Variants in DRAM1 observed in about 807,000 individuals in gnomAD.
DRAM1 encodes the protein DNA damage-regulated autophagy modulator protein 1.
DRAM1 carries 25 observed loss-of-function variants against 28.5 expected under a neutral mutation model. That is an observed-to-expected ratio of 0.88 (90% CI 0.64 to 1.23). DRAM1 has a LOEUF of 1.23. DRAM1 is among the 50% of genes most tolerant of loss of function. The pLI is 0.00. For missense variants in DRAM1, 249 were observed against 299.2 expected (o/e 0.83, Z 1.24); for synonymous variants, 113 against 114.2 (o/e 0.99, Z 0.07).
Position 101,921,295 on chromosome 12 carries a change from G to T in DRAM1, c.*35G>T, listed in dbSNP as rs753468674. 6 of 1,576,372 alleles carry T rather than the reference G, an allele frequency of 3.8e-6. No homozygotes were observed. Among genetic ancestry groups the T allele is most frequent in the South Asian group, 1.1e-5 (1 of 90,218 alleles). On this transcript the variant is annotated 3_prime_UTR_variant, in exon 7 of 7. Transcript: ENST00000258534. ...AATTCAGTCTCACTCAGTGAATGTC[G>T]CAGGCCATTTCTAAAAGTGCTACAG...
chr12:101,918,062 C>T (rs80183419), intron 5 of DRAM1, among the ~76,000 whole-genome samples: 9,123 of 152,260 alleles, frequency 0.06, 919 homozygotes, highest in African/African-American at 0.21. Context: ...TAAATGACTG[C>T]GCCACTCTTG....
rs772541013 is a variant in DRAM1, at chr12:101,922,016, A to G, written c.*756A>G. ...AATGGTTTCAACAAGTCAGGTGAAA[A>G]CCATCCTTTATTGTTGCTGGCACAA... On this transcript the variant is annotated 3_prime_UTR_variant, in exon 7 of 7. Transcript: ENST00000258534. 1 of 152,160 alleles carries G rather than the reference A, an allele frequency of 6.6e-6. No homozygotes were observed. The highest frequency in any genetic ancestry group is 1.9e-4 in the East Asian group (1 of 5,196). 9.4% of individuals were successfully genotyped at this position (152,160 alleles called of 1,614,324 possible). A position where few individuals can be genotyped will look rare whatever the true frequency, so the allele number is the denominator to read the frequency against.
intron 2 of DRAM1, among the ~76,000 whole-genome samples, chr12:101,898,795 A>G (rs1250042225): frequency 1.3e-5 from 2 of 152,254 alleles, no homozygotes; most frequent in Non-Finnish European, 1.5e-5. Flanking sequence ...GAAAGGGGAC[A>G]GGTGGAGCAA....
intron 4 of DRAM1, among the ~76,000 whole-genome samples, chr12:101,909,540 CGTAG>C (rs1338780908): frequency 6.6e-6 from 1 of 152,086 alleles, no homozygotes; most frequent in Admixed American, 6.6e-5. Flanking sequence ...CCCTGCACGT[CGTAG>C]GTGGCAAGAC....
intron 5 of DRAM1, among the ~76,000 whole-genome samples, chr12:101,919,306 G>T (rs929707881): frequency 5.7e-5 from 7 of 123,820 alleles, no homozygotes; most frequent in Admixed American, 4.4e-4. Context: ...ACACACACAC[G>T]GTTTTGTTTT....
chr12:101,892,047 A>T (rs1373860388), intron 1 of DRAM1, among the ~76,000 whole-genome samples: 1 of 152,220 alleles, frequency 6.6e-6, no homozygotes, highest in African/African-American at 2.4e-5. Context: ...GTTACCTCTT[A>T]GTGTTTACTT....
At chr12:101,895,873 A>C (rs1203835270) in intron 1 of DRAM1, among the ~76,000 whole-genome samples, 1 of 148,272 alleles carries the variant, frequency 6.7e-6, no homozygotes, top group African/African-American at 2.5e-5. Flanking sequence ...CCTGGTCGTA[A>C]GGGAGGCTAT....
intron 1 of DRAM1, among the ~76,000 whole-genome samples, chr12:101,885,879 C>A (rs1416207590): frequency 6.6e-6 from 1 of 152,084 alleles, no homozygotes; most frequent in Non-Finnish European, 1.5e-5. Context: ...TTGTTTATTA[C>A]CTGTCTCACA....
chr12:101,887,572 C>T (rs1487791641), intron 1 of DRAM1, among the ~76,000 whole-genome samples: 1 of 151,494 alleles, frequency 6.6e-6, no homozygotes, highest in Admixed American at 6.6e-5. Flanking sequence ...ACTCTGTCAC[C>T]CAGGCTGGAG....
intron 1 of DRAM1, among the ~76,000 whole-genome samples, chr12:101,889,273 A>G (rs1286090295): frequency 6.6e-6 from 1 of 152,248 alleles, no homozygotes; most frequent in Middle Eastern, 3.2e-3. Flanking sequence ...GTAAACTCAC[A>G]TGAAAATGAT....
chr12:101,915,777 G>A (rs1390640492), intron 5 of DRAM1, among the ~76,000 whole-genome samples: 3 of 152,062 alleles, frequency 2.0e-5, no homozygotes, highest in Non-Finnish European at 4.4e-5. Flanking sequence ...AGCCAGGATG[G>A]TCTTGATCTC....
chr12:101,902,772 C>A (rs1390005661), intron 3 of DRAM1, among the ~76,000 whole-genome samples: 1 of 152,216 alleles, frequency 6.6e-6, no homozygotes, highest in Non-Finnish European at 1.5e-5. Context: ...AAGTGTTTGA[C>A]TTGTCATTGT....
chr12:101,900,035 G>A lies in DRAM1; in HGVS notation c.200-1256G>A, dbSNP rs544026499. Among the ~76,000 whole-genome samples the A allele has an allele frequency of 5.9e-4, 90 of 152,278 alleles. 1 individual carries two copies. The highest frequency in any genetic ancestry group is 1.9e-3 in the African/African-American group (78 of 41,562). On this transcript the variant is annotated intron_variant, in intron 2 of 6. Transcript: ENST00000258534. ...TATTTATTTATTCAACATTTACTAA[G>A]TATGTACTATATGATAGGGTTTGTG...
intron 5 of DRAM1, among the ~76,000 whole-genome samples, chr12:101,919,031 C>T (rs1874366104): frequency 6.6e-6 from 1 of 151,982 alleles, no homozygotes. Flanking sequence ...AAGTGATCCT[C>T]CCAGTTCAGC....
chr12:101,897,151 GT>G (rs1873408043), intron 1 of DRAM1, among the ~76,000 whole-genome samples: 1 of 151,960 alleles, frequency 6.6e-6, no homozygotes, highest in South Asian at 2.1e-4. Flanking sequence ...ATAAAGTGAT[GT>G]GTTTATGTGT....
chr12:101,897,246 C>A (rs1873412682), intron 1 of DRAM1, among the ~76,000 whole-genome samples: 1 of 151,768 alleles, frequency 6.6e-6, no homozygotes, highest in East Asian at 1.9e-4. Context: ...GTTGCCCAGG[C>A]TCGAATGCAG....
chr12:101,888,405 A>G (rs1872966776), intron 1 of DRAM1, among the ~76,000 whole-genome samples: 1 of 152,170 alleles, frequency 6.6e-6, no homozygotes, highest in Admixed American at 6.6e-5. Context: ...TGCTAGGATT[A>G]CAGGCATGAG....
At chr12:101,905,102 G>C (rs189621052) in intron 3 of DRAM1, among the ~76,000 whole-genome samples, 1 of 152,064 alleles carries the variant, frequency 6.6e-6, no homozygotes, top group South Asian at 2.1e-4. Context: ...GTCTTGCTAT[G>C]TTTCTGAGGC....
chr12:101,892,221 T>C (rs1487343408), intron 1 of DRAM1, among the ~76,000 whole-genome samples: 1 of 151,632 alleles, frequency 6.6e-6, no homozygotes, highest in African/African-American at 2.4e-5. Context: ...TAAGAGCTAT[T>C]TCATTTTTAT....
Sources: gnomAD v4.1 joint callset for allele counts (sites outside exome capture counted in the v4.1 genomes callset) on GRCh38, gnomAD v4.1.1 for gene constraint, MANE v1.5 for transcripts, NCBI Gene and HGNC (gene_info 2026-07-23, HGNC 2026-07-21) for gene names.